The following SLC30A5 variants were observed in gnomAD, a reference collection of about 807,000 sequenced individuals.
SLC30A5 encodes solute carrier family 30 member 5.
SLC30A5 carries 33 observed loss-of-function variants against 79.6 expected under a neutral mutation model. That is an observed-to-expected ratio of 0.41 (90% CI 0.31 to 0.55). The LOEUF is 0.55. Ranked by LOEUF, SLC30A5 falls within the 20% of genes least tolerant of loss-of-function variation. The pLI is 0.20. For synonymous variants in SLC30A5, 299 were observed against 319.7 expected, an observed-to-expected ratio of 0.94 and a Z score of 0.69; for missense variants, 788 against 928.1, an observed-to-expected ratio of 0.85 and a Z score of 1.96.
rs139107271 is a variant in SLC30A5, at chr5:69,129,309, T to G, written c.2128-138T>G. On this transcript the variant is annotated intron_variant, in intron 15 of 15. Coordinates refer to ENST00000396591, the MANE Select transcript of SLC30A5 (RefSeq NM_022902.5). ...ACACCATCTTGGCACTCAAAAAGTT[T>G]CAGATTTTAGAGCGTCTCAGATTTC... 9.9e-5 allele frequency: 58 copies of G among 583,774 alleles called. No individual in the cohort carries two copies. The East Asian group carries it at 1.7e-3, about 17-fold the overall frequency. The allele number at this position is 583,774 out of a possible 1,614,324, so 36.2% of individuals were successfully genotyped here. A position where few individuals can be genotyped will look rare whatever the true frequency, so the allele number is the denominator to read the frequency against.
rs115555474 is a variant in SLC30A5, at chr5:69,120,955, T to C, written c.1570-739T>C. On this transcript the variant is annotated intron_variant, in intron 12 of 15. Transcript: ENST00000396591. The stretch of plus-strand genomic sequence containing the variant: ...ACTTTGTTTATCCTTTGGAGTATTA[T>C]TGTGGCACCATTAAATTAAAGTAAT... Among the ~76,000 whole-genome samples, 817 of 152,306 alleles carry C rather than the reference T, an allele frequency of 5.4e-3. 12 individuals carry two copies. Among genetic ancestry groups the C allele is most frequent in the African/African-American group, 0.018 (763 of 41,560 alleles).
chr5:69,118,311 G>GTGTA lies in SLC30A5; in HGVS notation c.1440-187_1440-186insGTAT, dbSNP rs1321743509. ...TCATATATAACGTGTATATATATGT[G>GTGTA]TATATATATATATGTATATATATAT... On this transcript the variant is annotated intron_variant, in intron 11 of 15. Transcript: ENST00000396591. 202 of 159,040 alleles carry GTGTA rather than the reference G, an allele frequency of 1.3e-3. 7 individuals carry two copies. Among genetic ancestry groups the GTGTA allele is most frequent in the African/African-American group, 5.7e-3 (196 of 34,598 alleles). 9.9% of individuals were successfully genotyped at this position (159,040 alleles called of 1,614,324 possible).
At chr5:69,099,015 T>A (rs190730497) in intron 1 of SLC30A5, among the ~76,000 whole-genome samples, 7 of 152,368 alleles carry the variant, frequency 4.6e-5, no homozygotes, top group Non-Finnish European at 8.8e-5. Flanking sequence ...AAAGTAAAAC[T>A]CTTGCAACCT....
At chr5:69,095,472 T>TTG (rs1406408424) in intron 1 of SLC30A5, among the ~76,000 whole-genome samples, 1 of 152,020 alleles carries the variant, frequency 6.6e-6, no homozygotes, top group Non-Finnish European at 1.5e-5. Context: ...AGTGCCGGGA[T>TTG]TACAGGCATG....
At chr5:69,119,501 T>C (rs1277324463) in intron 12 of SLC30A5, among the ~76,000 whole-genome samples, 1 of 152,336 alleles carries the variant, frequency 6.6e-6, no homozygotes, top group South Asian at 2.1e-4. Context: ...AGGACCTGAA[T>C]TACATATTAT....
intron 14 of SLC30A5, among the ~76,000 whole-genome samples, chr5:69,127,019 G>A (rs867003600): frequency 7.9e-5 from 12 of 151,756 alleles, no homozygotes; most frequent in African/African-American, 2.7e-4. Context: ...AAAAACTTTC[G>A]TAATGTTTTA....
rs769395106 is a variant in SLC30A5, at chr5:69,116,422, G to A, written c.1101G>A (p.Lys367=). 3 of 1,604,738 alleles carry A rather than the reference G, an allele frequency of 1.9e-6. No individual in the cohort carries two copies. Among genetic ancestry groups the A allele is most frequent in the South Asian group, 2.2e-5 (2 of 88,908 alleles). The stretch of plus-strand genomic sequence containing the variant: ...CCAATATCTTATCATCTCCCTCTAA[G>A]AGAGGACAAAAAGGTACCCTTATTG... ...LSANILSSPS[K]RGQKGTLIGY... The change falls in exon 10 of 16, where the codon AAG becomes AAA. Residue 367 remains lysine, a synonymous_variant. Transcript: ENST00000396591. This position sits in a 1 kb window ranked among gnomAD's most constrained non-coding sequence, Gnocchi z 4.0.
At chr5:69,117,947 G>A (rs1455931464) in intron 11 of SLC30A5, among the ~76,000 whole-genome samples, 4 of 150,634 alleles carry the variant, frequency 2.7e-5, no homozygotes, top group Non-Finnish European at 4.4e-5. Flanking sequence ...AGGCCGAGGC[G>A]GGCGGATCAC....
chr5:69,127,933 C>T, intron 14 of SLC30A5, 71 bp from the exon 15 acceptor site: 1 of 1,308,008 alleles, frequency 7.6e-7, no homozygotes. Context: ...TACTTTCTGT[C>T]AGAAAGCATC....
intron 1 of SLC30A5, 93 bp from the exon 2 acceptor site, chr5:69,100,714 G>A (rs955994484): frequency 9.4e-7 from 1 of 1,065,292 alleles, no homozygotes; most frequent in Non-Finnish European, 1.4e-6. Context: ...TATTTCTGTG[G>A]TTTCTGTAAT....
At chr5:69,120,208 C>T (rs1012463294) in intron 12 of SLC30A5, among the ~76,000 whole-genome samples, 1 of 151,390 alleles carries the variant, frequency 6.6e-6, no homozygotes, top group African/African-American at 2.4e-5. Flanking sequence ...AAAATATTTA[C>T]GAGATGTACT....
At position 69,100,817 on chromosome 5, in the gene SLC30A5, T is replaced by C. The variant is rs1167436105; in HGVS notation, c.94T>C (p.Tyr32His). 5.6e-6 allele frequency: 9 copies of C among 1,596,276 alleles called. No homozygotes were observed. Among genetic ancestry groups the C allele is most frequent in the South Asian group, 1.1e-5 (1 of 89,514 alleles). ...GCTTTTATTTTTCAGATTAACAAAA[T>C]ATATTGTGTTACTATGTTTCACTAA... ...VDVPSARLTK[Y>H]IVLLCFTKFL... The change falls in exon 2 of 16, where the codon TAT becomes CAT. Residue 32 changes from tyrosine to histidine, a missense_variant. Physicochemically the swap from Tyr to His is moderately conservative, Grantham distance 83. Around this residue, in one of 3 missense-constraint regions of SLC30A5, gnomAD observed 626 missense variants for 755.5 expected, o/e 0.83. Transcript: ENST00000396591.
At chr5:69,098,818 G>A (rs1745821419) in intron 1 of SLC30A5, among the ~76,000 whole-genome samples, 1 of 152,188 alleles carries the variant, frequency 6.6e-6, no homozygotes, top group South Asian at 2.1e-4. Context: ...TTGGAACATA[G>A]CAGGTGCTCA....
At chr5:69,119,219 T>C (rs558093101) in intron 12 of SLC30A5, among the ~76,000 whole-genome samples, 4 of 152,266 alleles carry the variant, frequency 2.6e-5, no homozygotes, top group Admixed American at 2.0e-4. Flanking sequence ...ATTTTGCTTA[T>C]GTGAAATACT....
At chr5:69,104,008 A>G (rs751804271) in intron 3 of SLC30A5, 1 of 1,572,854 alleles carries the variant, frequency 6.4e-7, no homozygotes, top group Admixed American at 1.8e-5. Context: ...TTTAAAGACA[A>G]AAAGTTAAAT....
Position 69,129,601 on chromosome 5 carries a change from G to C in SLC30A5, c.2282G>C (p.Gly761Ala). Residue 761 changes from glycine (G) to alanine (A), a missense_variant, in exon 16 of 16, where the codon GGT (glycine) becomes GCT (alanine). This residue lies in a region of SLC30A5 where 158 missense variants were observed against 156.2 expected (regional missense o/e 1.01). Transcript: ENST00000396591. ...QMESMKYCKD[G>A]TYIM ...GAATCCATGAAATACTGCAAAGATG[G>C]TACTTACATCATGTGAGATAACTCA... 6.2e-7 allele frequency: 1 copy of C among 1,610,598 alleles called. No homozygotes were observed. The highest frequency in any genetic ancestry group is 8.5e-7 in the Non-Finnish European group (1 of 1,178,684).
At chr5:69,100,780 A>C (rs1745890988) in intron 1 of SLC30A5, 27 bp from the exon 2 acceptor site, 1 of 1,569,440 alleles carries the variant, frequency 6.4e-7, no homozygotes, top group Admixed American at 1.8e-5. Flanking sequence ...AGTGATACTA[A>C]AAATTGTTTC....
chr5:69,104,231 G>A (rs573493661), intron 3 of SLC30A5: 14 of 663,888 alleles, frequency 2.1e-5, no homozygotes, highest in East Asian at 5.1e-5. Flanking sequence ...TCTGCCTCCC[G>A]GGTTCAAGCG....
At chr5:69,109,930 A>G (rs1033587257) in intron 5 of SLC30A5, among the ~76,000 whole-genome samples, 2 of 152,314 alleles carry the variant, frequency 1.3e-5, no homozygotes, top group African/African-American at 4.8e-5. Context: ...AAGAGTCAGC[A>G]GCTGCGGCCC....
Sources: allele counts gnomAD v4.1 joint callset (sites outside exome capture counted in the v4.1 genomes callset), GRCh38; gene constraint gnomAD v4.1.1; regional missense constraint gnomAD v4.1.1; non-coding constraint Gnocchi (gnomAD v3.1); transcripts MANE v1.5; gene names NCBI Gene and HGNC (gene_info 2026-07-23, HGNC 2026-07-21).